Variants in PTPRO observed in about 807,000 individuals in gnomAD.
PTPRO encodes the protein protein tyrosine phosphatase receptor type O.
PTPRO carries 62 observed loss-of-function variants against 145.2 expected under a neutral mutation model. That is an observed-to-expected ratio of 0.43 (90% CI 0.35 to 0.53). The LOEUF (loss-of-function observed/expected upper bound fraction) is 0.53. Among genes scored for constraint, PTPRO ranks in the 20% least tolerant of loss-of-function variants. The pLI is 0.01. For missense variants in PTPRO, 1,345 were observed against 1,482.7 expected (o/e 0.91, Z 1.53); for synonymous variants, 565 against 514.7 (o/e 1.10, Z -1.32).
At chr12:15,445,602 G>A (rs1012425537) in intron 1 of PTPRO, among the ~76,000 whole-genome samples, 1 of 152,132 alleles carries the variant, frequency 6.6e-6, no homozygotes, top group African/African-American at 2.4e-5. Flanking sequence ...TTACAGCTAA[G>A]TAAAATGTTC....
At chr12:15,508,052 G>C (rs901612827) in intron 6 of PTPRO, among the ~76,000 whole-genome samples, 1 of 152,156 alleles carries the variant, frequency 6.6e-6, no homozygotes, top group Non-Finnish European at 1.5e-5. Flanking sequence ...GTTTTAGCCA[G>C]CTTCTTTAAT....
intron 24 of PTPRO, 111 bp from the exon 25 acceptor site, chr12:15,589,344 C>G: frequency 4.7e-6 from 7 of 1,481,770 alleles, no homozygotes; most frequent in Non-Finnish European, 6.5e-6. Context: ...CCATTGCACT[C>G]CAGCCTGGGC....
intron 15 of PTPRO, among the ~76,000 whole-genome samples, chr12:15,553,065 G>T (rs554423365): frequency 1.8e-4 from 27 of 152,218 alleles, no homozygotes; most frequent in African/African-American, 6.5e-4. Flanking sequence ...CTCCCAAAGT[G>T]CTGGGACTAT....
chr12:15,566,157 G>A (rs1315533449), intron 18 of PTPRO, among the ~76,000 whole-genome samples: 1 of 152,138 alleles, frequency 6.6e-6, no homozygotes, highest in East Asian at 1.9e-4. Context: ...TACTATTGTG[G>A]TAAGTGAAAA....
At chr12:15,422,433 C>A (rs1168107384) in intron 1 of PTPRO, among the ~76,000 whole-genome samples, 1 of 152,108 alleles carries the variant, frequency 6.6e-6, no homozygotes, top group Non-Finnish European at 1.5e-5. Flanking sequence ...TATAAAAATT[C>A]TCCATAATTG....
chr12:15,559,430 A>G (rs1943717977), intron 16 of PTPRO, among the ~76,000 whole-genome samples: 1 of 152,198 alleles, frequency 6.6e-6, no homozygotes, highest in African/African-American at 2.4e-5. Flanking sequence ...TAAAATCTAT[A>G]TTAATGGGTG....
chr12:15,521,624 C>T (rs1942723541), intron 10 of PTPRO, among the ~76,000 whole-genome samples: 3 of 152,138 alleles, frequency 2.0e-5, no homozygotes, highest in Admixed American at 1.3e-4. Flanking sequence ...ATTATCTTAA[C>T]GATTCTGGGC....
intron 1 of PTPRO, among the ~76,000 whole-genome samples, chr12:15,370,017 A>G (rs1049707420): frequency 5.3e-5 from 8 of 151,784 alleles, no homozygotes; most frequent in African/African-American, 1.9e-4. Context: ...GCCCCACTCC[A>G]CTCCAGCCTG....
intron 6 of PTPRO, among the ~76,000 whole-genome samples, chr12:15,505,751 C>T (rs1942308665): frequency 6.6e-6 from 1 of 152,176 alleles, no homozygotes; most frequent in Non-Finnish European, 1.5e-5. Context: ...TAGTCACACA[C>T]CAGCAAAAGT....
chr12:15,487,874 G>A (rs560496945), intron 2 of PTPRO, among the ~76,000 whole-genome samples: 1 of 152,248 alleles, frequency 6.6e-6, no homozygotes, highest in South Asian at 2.1e-4. Context: ...TACCATATTG[G>A]ACAGAGCAAT....
intron 1 of PTPRO, among the ~76,000 whole-genome samples, chr12:15,329,509 C>G (rs529796648): frequency 6.6e-6 from 1 of 152,220 alleles, no homozygotes; most frequent in Non-Finnish European, 1.5e-5. Flanking sequence ...AAAGAGCATC[C>G]TATAAACATT....
At chr12:15,517,846 C>T (rs547227751) in intron 9 of PTPRO, among the ~76,000 whole-genome samples, 2 of 152,234 alleles carry the variant, frequency 1.3e-5, no homozygotes, top group African/African-American at 4.8e-5. Context: ...TATATCCCCC[C>T]TCCTGGCTGC....
intron 1 of PTPRO, among the ~76,000 whole-genome samples, chr12:15,462,732 A>C (rs1349988521): frequency 2.0e-5 from 3 of 152,186 alleles, no homozygotes; most frequent in African/African-American, 7.2e-5. Flanking sequence ...CACTCAAGAC[A>C]TGTAGAGAAA....
Position 15,508,703 on chromosome 12 carries a change from T to C in PTPRO, c.1400T>C (p.Val467Ala). Reference sequence around the variant, plus strand: ...AACTACAACAGCACCATTGTGTCTGTGGTGTCGCTGACCTGCCAGAAACAA... The same window carrying C: ...AACTACAACAGCACCATTGTGTCTGCGGTGTCGCTGACCTGCCAGAAACAA... ...QENYNSTIVSVVSLTCQKQKE... is the reference protein window; with the variant it reads ...QENYNSTIVSAVSLTCQKQKE... Residue 467 changes from valine (V) to alanine (A), a missense_variant, in exon 7 of 27, where the codon GTG becomes GCG. By Grantham distance (64) the Val-to-Ala change is moderately conservative. This residue lies in a region of PTPRO where 1,130 missense variants were observed against 1,214.7 expected (regional missense o/e 0.93). Coordinates refer to ENST00000281171, the MANE Select transcript of PTPRO (RefSeq NM_030667.3). 1 of 1,614,030 alleles carries C rather than the reference T, an allele frequency of 6.2e-7. No homozygotes were observed. Among genetic ancestry groups the C allele is most frequent in the Non-Finnish European group, 8.5e-7 (1 of 1,180,000 alleles).
chr12:15,513,155 GA>G (rs375973212), intron 7 of PTPRO, among the ~76,000 whole-genome samples: 2 of 24,374 alleles, frequency 8.2e-5, no homozygotes, highest in Non-Finnish European at 2.2e-4. Context: ...AAGAAAGAAA[GA>G]AAAAGAAAGA....
At chr12:15,512,332 C>T (rs1753396592) in intron 7 of PTPRO, among the ~76,000 whole-genome samples, 1 of 151,880 alleles carries the variant, frequency 6.6e-6, no homozygotes, top group Non-Finnish European at 1.5e-5. Context: ...TCAGGCTGGT[C>T]TCAAACTCCC....
intron 1 of PTPRO, among the ~76,000 whole-genome samples, chr12:15,382,539 A>G (rs1005687317): frequency 6.6e-6 from 1 of 152,228 alleles, no homozygotes; most frequent in Admixed American, 6.5e-5. Context: ...CTCAGAGCCC[A>G]TGCTGGTCAC....
intron 1 of PTPRO, among the ~76,000 whole-genome samples, chr12:15,430,002 T>G (rs1940389456): frequency 6.6e-6 from 1 of 151,250 alleles, no homozygotes; most frequent in Non-Finnish European, 1.5e-5. Context: ...AACTACCAAT[T>G]AGAGGAAAGA....
intron 12 of PTPRO, among the ~76,000 whole-genome samples, chr12:15,527,470 A>G (rs1942864854): frequency 6.6e-6 from 1 of 152,204 alleles, no homozygotes; most frequent in African/African-American, 2.4e-5. Flanking sequence ...AAACAAAGAG[A>G]TGAGATGGAA....
Sources: allele counts gnomAD v4.1 joint callset (sites outside exome capture counted in the v4.1 genomes callset), GRCh38; gene constraint gnomAD v4.1.1; regional missense constraint gnomAD v4.1.1; transcripts MANE v1.5; gene names NCBI Gene and HGNC (gene_info 2026-07-23, HGNC 2026-07-21).